The following DSG4 variants were observed in gnomAD, a reference collection of about 807,000 sequenced individuals.
DSG4 encodes desmoglein-4.
A neutral mutation model predicts 93.1 loss-of-function variants in DSG4; 87 were observed. That is an observed-to-expected ratio of 0.93 (90% CI 0.79 to 1.12). The LOEUF (loss-of-function observed/expected upper bound fraction) is 1.12, where lower values mean the gene tolerates loss of function less well. Ranked by LOEUF, DSG4 falls within the 50% of genes most tolerant of loss-of-function variation. The pLI is 0.00. For synonymous variants in DSG4, 432 were observed against 452.9 expected (o/e 0.95, Z 0.59); for missense variants, 1,373 against 1,285.7 (o/e 1.07, Z -1.04).
intron 2 of DSG4, among the ~76,000 whole-genome samples, chr18:31,386,277 G>A (rs1444441949): frequency 1.3e-5 from 2 of 152,076 alleles, no homozygotes; most frequent in African/African-American, 4.8e-5. Flanking sequence ...TATGTTATAT[G>A]GGATGTGCAT....
intron 1 of DSG4, 152 bp downstream of exon 1, chr18:31,377,111 C>T: frequency 1.1e-6 from 1 of 871,922 alleles, no homozygotes; most frequent in Non-Finnish European, 1.8e-6. Flanking sequence ...TTTCAAACAA[C>T]TCTCTCCGCC....
Position 31,414,337 on chromosome 18 carries a change from G to C in DSG4, c.*742G>C, listed in dbSNP as rs1179017398. Reference sequence around the variant, plus strand: ...AGAAAGAGTTATTGGGGAAATATTAGAGTTTTCCCCACTTACAGGGAATTT... The same window carrying C: ...AGAAAGAGTTATTGGGGAAATATTACAGTTTTCCCCACTTACAGGGAATTT... On this transcript the variant is annotated 3_prime_UTR_variant, in exon 16 of 16. Transcript: ENST00000308128. 1 of 151,992 alleles carries C rather than the reference G, an allele frequency of 6.6e-6. No homozygotes were observed. The highest frequency in any genetic ancestry group is 1.5e-5 in the Non-Finnish European group (1 of 67,984). 9.4% of individuals were successfully genotyped at this position (151,992 alleles called of 1,614,324 possible).
At chr18:31,399,114 C>T (rs535047774) in intron 8 of DSG4, among the ~76,000 whole-genome samples, 158 bp from the exon 9 acceptor site, 2 of 152,240 alleles carry the variant, frequency 1.3e-5, no homozygotes, top group African/African-American at 4.8e-5. Flanking sequence ...ATCTAAGATA[C>T]CTAATGCAGT....
At chr18:31,392,034 A>T in intron 7 of DSG4, 121 bp from the exon 8 acceptor site, 1 of 905,384 alleles carries the variant, frequency 1.1e-6, no homozygotes, top group Non-Finnish European at 1.7e-6. Flanking sequence ...TGGGCATTTA[A>T]TAATGGTGCA....
At position 31,394,349 on chromosome 18, in the gene DSG4, G is replaced by A. The variant is rs187089767; in HGVS notation, c.1005+2009G>A. On this transcript the variant is annotated intron_variant, in intron 8 of 15. Coordinates refer to ENST00000308128, the MANE Select transcript of DSG4 (RefSeq NM_177986.5). ...TCCCAGCACTTTGGGAGGCCAAGGC[G>A]GGCAGATCACCTGAAGTCGGGAGTT... Among the ~76,000 whole-genome samples, 600 of 152,236 alleles carry A rather than the reference G, an allele frequency of 3.9e-3. 4 individuals are homozygous for A. In the Middle Eastern group the frequency reaches 0.041, roughly 10 times the overall value.
rs1265794538 is a variant in DSG4, at chr18:31,406,273, C to T, written c.1833C>T (p.Asp611=). ...AGIYTEDITG[D]TYGPVTEDQA... is the part of the protein sequence containing the mutation. ...TCTACACAGAGGACATAACTGGTGACACGTATGGGCCTGTCACTGAAGACC... is the reference window on the plus strand; with the variant it reads ...TCTACACAGAGGACATAACTGGTGATACGTATGGGCCTGTCACTGAAGACC... The change falls in exon 12 of 16, where the codon GAC becomes GAT. Residue 611 remains aspartate (D), a synonymous_variant. Coordinates refer to ENST00000308128, the MANE Select transcript of DSG4 (RefSeq NM_177986.5). 1 of 1,614,050 alleles carries T rather than the reference C, an allele frequency of 6.2e-7. No individual in the cohort carries two copies. Among genetic ancestry groups the T allele is most frequent in the East Asian group, 2.2e-5 (1 of 44,898 alleles).
rs76618609 is a variant in DSG4, at chr18:31,405,630, T to A, written c.1637-447T>A. Among the ~76,000 whole-genome samples, 765 of 151,786 alleles carry A rather than the reference T, an allele frequency of 5.0e-3. 24 individuals carry two copies. The East Asian group carries it at 0.069, about 14-fold the overall frequency. ...CAGGCAGAATGGCTCATGCTTGTAA[T>A]CCAAGCACTTTAAGAGGCCAAGGCA... On this transcript the variant is annotated intron_variant, in intron 11 of 15. Transcript: ENST00000308128.
intron 15 of DSG4, among the ~76,000 whole-genome samples, 192 bp from the exon 16 acceptor site, chr18:31,412,636 T>C (rs760808534): frequency 6.6e-6 from 1 of 152,210 alleles, no homozygotes; most frequent in Non-Finnish European, 1.5e-5. Flanking sequence ...AACTATATCT[T>C]AAAATTGGTA....
chr18:31,385,989 A>G (rs544770288), intron 2 of DSG4, among the ~76,000 whole-genome samples: 102 of 152,266 alleles, frequency 6.7e-4, no homozygotes, highest in African/African-American at 2.4e-3. Context: ...TTCTAATCTC[A>G]TTAATAGTAT....
intron 8 of DSG4, among the ~76,000 whole-genome samples, chr18:31,397,855 C>T (rs1166739665): frequency 6.6e-6 from 1 of 151,848 alleles, no homozygotes; most frequent in Non-Finnish European, 1.5e-5. Flanking sequence ...GCAAAACCCC[C>T]GTCTCTACTA....
intron 11 of DSG4, among the ~76,000 whole-genome samples, chr18:31,405,154 T>C (rs1438492553): frequency 6.6e-6 from 1 of 152,208 alleles, no homozygotes; most frequent in Admixed American, 6.5e-5. Flanking sequence ...GTGCTATGGA[T>C]CAATCAGTTA....
intron 2 of DSG4, among the ~76,000 whole-genome samples, chr18:31,386,422 T>C (rs912881318): frequency 1.3e-5 from 2 of 152,166 alleles, no homozygotes; most frequent in Admixed American, 6.6e-5. Flanking sequence ...TTATACAGTA[T>C]GGCACATCAT....
At chr18:31,390,174 A>G (rs1181485445) in intron 5 of DSG4, among the ~76,000 whole-genome samples, 1 of 152,180 alleles carries the variant, frequency 6.6e-6, no homozygotes, top group East Asian at 1.9e-4. Flanking sequence ...CTATCTTCCA[A>G]TGCAACCAAG....
intron 5 of DSG4, 132 bp from the exon 6 acceptor site, chr18:31,390,524 C>T: frequency 9.7e-7 from 1 of 1,029,152 alleles, no homozygotes; most frequent in South Asian, 1.3e-5. Context: ...AGTTATGGTA[C>T]TATATTCCCA....
intron 12 of DSG4, among the ~76,000 whole-genome samples, chr18:31,408,481 A>G (rs1235164420): frequency 6.6e-6 from 1 of 152,234 alleles, no homozygotes; most frequent in Non-Finnish European, 1.5e-5. Flanking sequence ...AAAATTGCCA[A>G]ATTAATTGTT....
At chr18:31,396,623 T>C (rs753477988) in intron 8 of DSG4, among the ~76,000 whole-genome samples, 1 of 152,148 alleles carries the variant, frequency 6.6e-6, no homozygotes. Flanking sequence ...CGCACAGTGC[T>C]GGGATTACAT....
intron 3 of DSG4, 26 bp from the exon 4 acceptor site, chr18:31,388,341 C>T (rs2072210586): frequency 1.2e-6 from 2 of 1,611,578 alleles, no homozygotes; most frequent in South Asian, 2.2e-5. Context: ...TAAACTGGAT[C>T]ACAATCCTAG....
chr18:31,380,675 A>G (rs1389698412), intron 1 of DSG4, among the ~76,000 whole-genome samples: 1 of 152,166 alleles, frequency 6.6e-6, no homozygotes, highest in African/African-American at 2.4e-5. Flanking sequence ...TGCTTTACTC[A>G]ATTATTATTA....
rs745538080 is a variant in DSG4 at position 31,406,240 on chromosome 18, C to T, written c.1800C>T (p.Ala600=). ...ACCACATGTGCCTGGACTCTGGTGC[C>T]GCGGGCATCTACACAGAGGACATAA... ...DDNHMCLDSG[A]AGIYTEDITG... The change falls in exon 12 of 16, where the codon GCC becomes GCT. Residue 600 remains alanine, a synonymous_variant. Transcript: ENST00000308128. 10 of 1,614,034 alleles carry T rather than the reference C, an allele frequency of 6.2e-6. No individual in the cohort carries two copies. The highest frequency in any genetic ancestry group is 1.7e-5 in the Admixed American group (1 of 59,994).
Sources: gnomAD v4.1 joint callset for allele counts (sites outside exome capture counted in the v4.1 genomes callset) on GRCh38, gnomAD v4.1.1 for gene constraint, MANE v1.5 for transcripts, NCBI Gene and HGNC (gene_info 2026-07-23, HGNC 2026-07-21) for gene names.